The following WDR64 variants were observed in gnomAD, a reference collection of about 807,000 sequenced individuals.
WDR64 encodes the protein WD repeat domain 64.
In WDR64, 112 loss-of-function variants were observed where a neutral mutation model predicts 139.3. The ratio of observed to expected loss-of-function variants is 0.80; its 90% confidence interval spans 0.69 to 0.94. The LOEUF (loss-of-function observed/expected upper bound fraction) is 0.94, where lower values mean the gene tolerates loss of function less well. Ranked by LOEUF, WDR64 falls within the 40% of genes least tolerant of loss-of-function variation. The probability of loss-of-function intolerance (pLI) is 0.00; values close to 1 mark genes in which losing one functional copy is unlikely to be tolerated. For missense variants in WDR64, 1,206 were observed against 1,293.1 expected, an observed-to-expected ratio of 0.93 and a Z score of 1.03; for synonymous variants, 444 against 437.7, an observed-to-expected ratio of 1.01 and a Z score of -0.18.
chr1:241,757,708 A>G (rs1288740352), intron 15 of WDR64, among the ~76,000 whole-genome samples: 3 of 136,542 alleles, frequency 2.2e-5, no homozygotes, highest in Non-Finnish European at 4.6e-5. Context: ...TGCTACCAAC[A>G]CCTGGGCTCA....
At chr1:241,742,209 C>G (rs1669573457) in intron 12 of WDR64, among the ~76,000 whole-genome samples, 1 of 152,040 alleles carries the variant, frequency 6.6e-6, no homozygotes, top group East Asian at 1.9e-4. Context: ...AATATGAACC[C>G]AAGTTTTTCT....
At chr1:241,674,568 TA>T (rs982748567) in intron 3 of WDR64, 75 bp from the exon 4 acceptor site, 60 of 979,054 alleles carry the variant, frequency 6.1e-5, no homozygotes, top group Non-Finnish European at 7.9e-5. Flanking sequence ...TATCATTTTT[TA>T]AAAAAACAAA....
At chr1:241,735,809 G>T (rs1669285873) in intron 10 of WDR64, among the ~76,000 whole-genome samples, 1 of 131,536 alleles carries the variant, frequency 7.6e-6, no homozygotes, top group South Asian at 2.6e-4. Context: ...CTCCCAGCCT[G>T]TCCTTCTCTT....
chr1:241,708,596 G>A (rs985225649), intron 8 of WDR64, among the ~76,000 whole-genome samples: 2 of 151,974 alleles, frequency 1.3e-5, no homozygotes, highest in African/African-American at 4.8e-5. Context: ...TTACAGGCAT[G>A]AGCCACTGCA....
chr1:241,668,280 G>T (rs1473067480), intron 2 of WDR64, among the ~76,000 whole-genome samples: 58 of 151,226 alleles, frequency 3.8e-4, no homozygotes, highest in Non-Finnish European at 4.9e-4. Context: ...GAGGCCGAGG[G>T]GGGCGGATCA....
At chr1:241,755,191 T>C (rs2148272684) in intron 14 of WDR64, among the ~76,000 whole-genome samples, 2 of 152,324 alleles carry the variant, frequency 1.3e-5, no homozygotes, top group South Asian at 4.1e-4. Context: ...CCACCAACAG[T>C]GTAAAAGCAT....
chr1:241,659,513 T>A (rs1665741382), intron 1 of WDR64, among the ~76,000 whole-genome samples: 1 of 152,234 alleles, frequency 6.6e-6, no homozygotes, highest in Non-Finnish European at 1.5e-5. Context: ...TGAACTAATT[T>A]ACACTTCCAT....
chr1:241,692,926 G>GT (rs945510387), intron 8 of WDR64, among the ~76,000 whole-genome samples: 3 of 152,210 alleles, frequency 2.0e-5, no homozygotes, highest in Non-Finnish European at 4.4e-5. Context: ...TGCTGGTGGG[G>GT]TGTGGAGCAA....
chr1:241,783,429 G>C, intron 23 of WDR64, 48 bp downstream of exon 23: 2 of 1,408,006 alleles, frequency 1.4e-6, no homozygotes, highest in South Asian at 1.2e-5. Flanking sequence ...GTGAGCATGA[G>C]AGGTAAAGGA....
In WDR64 at chr1:241,790,738, C is replaced by G. The variant is rs749560730; in HGVS notation, c.2997+42C>G. 2.9e-5 allele frequency: 40 copies of G among 1,399,454 alleles called. 1 individual carries two copies. In the Admixed American group the frequency reaches 9.1e-4, roughly 32 times the overall value. The allele number at this position is 1,399,454 out of a possible 1,614,324, so 86.7% of individuals were successfully genotyped here. On this transcript the variant is annotated intron_variant, in intron 25 of 27. Coordinates refer to ENST00000437684, the MANE Select transcript of WDR64 (RefSeq NM_001367482.1). ...AAAAAAAAAGAAATGGCAACAACAA[C>G]AAAACCTTTGCTTTTGTTTTTCTGA...
At chr1:241,658,570 T>G (rs75539618) in intron 1 of WDR64, among the ~76,000 whole-genome samples, 3,474 of 140,476 alleles carry the variant, frequency 0.025, 129 homozygotes, top group African/African-American at 0.087. Context: ...TCCTGGGAGG[T>G]AAAAGCTGCA....
At chr1:241,759,077 T>C (rs1670325188) in intron 15 of WDR64, among the ~76,000 whole-genome samples, 1 of 152,174 alleles carries the variant, frequency 6.6e-6, no homozygotes, top group African/African-American at 2.4e-5. Flanking sequence ...TTTATGCTAT[T>C]ATTTATATAA....
chr1:241,655,246 G>A (rs1472753407), intron 1 of WDR64, among the ~76,000 whole-genome samples: 1 of 152,098 alleles, frequency 6.6e-6, no homozygotes, highest in African/African-American at 2.4e-5. Flanking sequence ...AGCTGGGCAT[G>A]GTGACGTGTG....
intron 16 of WDR64, among the ~76,000 whole-genome samples, chr1:241,767,587 A>G (rs1364620095): frequency 6.6e-6 from 1 of 152,198 alleles, no homozygotes; most frequent in Non-Finnish European, 1.5e-5. Flanking sequence ...GAGATATAAA[A>G]GAGGAGAGAA....
chr1:241,701,957 C>T (rs930912684), intron 8 of WDR64, among the ~76,000 whole-genome samples: 1 of 152,128 alleles, frequency 6.6e-6, no homozygotes, highest in African/African-American at 2.4e-5. Flanking sequence ...GAGCCAATAG[C>T]TCCCAAGAAG....
intron 8 of WDR64, among the ~76,000 whole-genome samples, chr1:241,688,353 T>G (rs147120623): frequency 3.9e-4 from 60 of 152,332 alleles, no homozygotes; most frequent in African/African-American, 1.3e-3. Context: ...TTGTGGCGAC[T>G]GTTGATTGTT....
At chr1:241,679,399 A>T in intron 5 of WDR64, 86 bp from the exon 6 acceptor site, 1 of 1,170,440 alleles carries the variant, frequency 8.5e-7, no homozygotes, top group Non-Finnish European at 1.2e-6. Flanking sequence ...TGGAGCTTTT[A>T]GTGTGACTAA....
intron 8 of WDR64, among the ~76,000 whole-genome samples, chr1:241,700,689 A>G (rs1429726588): frequency 1.3e-5 from 2 of 152,214 alleles, no homozygotes; most frequent in Non-Finnish European, 2.9e-5. Context: ...TGGGCATGTT[A>G]CTGAAGTTAT....
chr1:241,690,607 GA>G (rs1393206936), intron 8 of WDR64, among the ~76,000 whole-genome samples: 9 of 152,256 alleles, frequency 5.9e-5, no homozygotes, highest in Admixed American at 1.3e-4. Flanking sequence ...TAAAGTGTTA[GA>G]AGACCTACCA....
Sources: gnomAD v4.1 joint callset for allele counts (sites outside exome capture counted in the v4.1 genomes callset) on GRCh38, gnomAD v4.1.1 for gene constraint, MANE v1.5 for transcripts, NCBI Gene and HGNC (gene_info 2026-07-23, HGNC 2026-07-21) for gene names.